The following NTN3 variants were observed in gnomAD, a reference collection of about 807,000 sequenced individuals.
The protein encoded by NTN3 is netrin-3.
In NTN3, 44 loss-of-function variants were observed where a neutral mutation model predicts 37.2. The observed-to-expected ratio is 1.18, with a 90% CI of 0.93 to 1.52. NTN3 has a LOEUF of 1.52. Ranked by LOEUF, NTN3 falls within the 40% of genes most tolerant of loss-of-function variation. NTN3 has a pLI of 0.00. For missense variants in NTN3, 882 were observed against 857.3 expected (o/e 1.03, Z -0.36); for synonymous variants, 385 against 376.0 (o/e 1.02, Z -0.28).
At position 2,472,253 on chromosome 16, in the gene NTN3, G is replaced by C; in HGVS notation, c.552G>C (p.Gln184His). 6.2e-7 allele frequency: 1 copy of C among 1,609,774 alleles called. No homozygotes were observed. Among genetic ancestry groups the C allele is most frequent in the South Asian group, 1.1e-5 (1 of 90,880 alleles). The change falls in exon 1 of 6, where the codon CAG becomes CAC. Residue 184 changes from glutamine to histidine, a missense_variant. Gln to His is a conservative substitution (Grantham distance 24). Coordinates refer to ENST00000293973, the MANE Select transcript of NTN3 (RefSeq NM_006181.3). ...TGTGCTTCCCCGCACCCCTGGCCCA[G>C]CCTGATGGCAGCGGCCTTCTGGCCT... ...EALCFPAPLA[Q>H]PDGSGLLAFS...
In NTN3 at chr16:2,473,768, C is replaced by T. The variant is rs2141846103; in HGVS notation, c.1406C>T (p.Ala469Val). 2 of 1,390,906 alleles carry T rather than the reference C, an allele frequency of 1.4e-6. No individual in the cohort carries two copies. The highest frequency in any genetic ancestry group is 5.9e-5 in the East Asian group (2 of 33,680). The allele number at this position is 1,390,906 out of a possible 1,614,324, so 86.2% of individuals were successfully genotyped here. The change falls in exon 6 of 6, where the codon GCG (alanine) becomes GTG (valine). Residue 469 changes from alanine to valine, a missense_variant. Physicochemically the swap from Ala to Val is moderately conservative, Grantham distance 64 (BLOSUM62 0). Coordinates refer to ENST00000293973, the MANE Select transcript of NTN3 (RefSeq NM_006181.3). ...FCKKDYAVQV[A>V]VGARGEARGA... ...GCTCTCCCCGCAGCGGTGCAGGTGG[C>T]GGTGGGTGCGCGCGGCGAGGCGCGC...
At position 2,473,869 on chromosome 16, in the gene NTN3, AGC is replaced by A; in HGVS notation, c.1512_1513del (p.Leu505ValfsTer?). On this transcript the variant is annotated frameshift_variant, in exon 6 of 6. Transcript: ENST00000293973. LOFTEE classifies it low-confidence loss of function (END_TRUNC). The part of the protein sequence containing the change: ...SGEERARRGS[S>X]ALWVPAGDAA... Reference sequence around the variant, plus strand: ...AGAGGAGCGCGCGCGGCGCGGGAGTAGCGCGCTGTGGGTGCCCGCCGGGGATG... The same window carrying A: ...AGAGGAGCGCGCGCGGCGCGGGAGTAGCGCTGTGGGTGCCCGCCGGGGATG... The A allele has an allele frequency of 7.8e-7, 1 of 1,275,326 alleles. No homozygotes were observed. The highest frequency in any genetic ancestry group is 9.9e-7 in the Non-Finnish European group (1 of 1,014,518). 79.0% of individuals were successfully genotyped at this position (1,275,326 alleles called of 1,614,324 possible).
rs1187841774 is a variant in NTN3 at position 2,472,611 on chromosome 16, G to T, written c.910G>T (p.Glu304Ter). 1.3e-6 allele frequency: 2 copies of T among 1,595,580 alleles called. No homozygotes were observed. The highest frequency in any genetic ancestry group is 1.7e-5 in the Admixed American group (1 of 59,076). The change falls in exon 1 of 6, where the codon GAA (glutamate) becomes TAA (stop). Residue 304 changes from glutamate (E) to a stop codon, truncating the protein, a stop_gained. Transcript: ENST00000293973. LOFTEE classifies it high-confidence loss of function. ...DRPWQRATARESHACLACSCN... is the reference protein window; with the variant it reads ...DRPWQRATAR Reference sequence around the variant, plus strand: ...GCCATGGCAGCGGGCCACTGCCCGGGAATCCCACGCCTGCCTCGGTGAGGC... The same window carrying T: ...GCCATGGCAGCGGGCCACTGCCCGGTAATCCCACGCCTGCCTCGGTGAGGC...
Position 2,473,427 on chromosome 16 carries a change from A to T in NTN3, c.1319-2A>T, listed in dbSNP as rs372516653. On this transcript the variant is annotated splice_acceptor_variant, in intron 4 of 5. Coordinates refer to ENST00000293973, the MANE Select transcript of NTN3 (RefSeq NM_006181.3). LOFTEE classifies it high-confidence loss of function. ...TGTGCCAGCCTCCCACCTTCTACCC[A>T]GACTGTGACTCGCACTGCAAACCTG... is the stretch of plus-strand genomic sequence containing the variant. 4 of 1,612,988 alleles carry T rather than the reference A, an allele frequency of 2.5e-6. No homozygotes were observed. The highest frequency in any genetic ancestry group is 3.4e-6 in the Non-Finnish European group (4 of 1,179,958).
At position 2,472,388 on chromosome 16, in the gene NTN3, G is replaced by C. The variant is rs562158413; in HGVS notation, c.687G>C (p.Thr229=). The part of the protein sequence containing the change: ...DVRVVLTRPS[T]AGDPRDMEAV... Reference sequence around the variant, plus strand: ...GTGTAGTGCTCACAAGGCCTAGCACGGCAGGTGACCCCAGGGACATGGAGG... The same window carrying C: ...GTGTAGTGCTCACAAGGCCTAGCACCGCAGGTGACCCCAGGGACATGGAGG... Residue 229 remains threonine, a synonymous_variant, in exon 1 of 6, where the codon ACG becomes ACC. Coordinates refer to ENST00000293973, the MANE Select transcript of NTN3 (RefSeq NM_006181.3). The C allele has an allele frequency of 6.2e-7, 1 of 1,612,760 alleles. No homozygotes were observed. The highest frequency in any genetic ancestry group is 1.1e-5 in the South Asian group (1 of 91,080).
At position 2,473,424 on chromosome 16, in the gene NTN3, C is replaced by T. The variant is rs1243007270; in HGVS notation, c.1319-5C>T. The T allele has an allele frequency of 1.2e-6, 2 of 1,612,928 alleles. No individual in the cohort carries two copies. The highest frequency in any genetic ancestry group is 1.7e-5 in the Admixed American group (1 of 60,004). On this transcript the variant is annotated splice_region_variant and splice_polypyrimidine_tract_variant and intron_variant, in intron 4 of 5. Transcript: ENST00000293973. ...GTCTGTGCCAGCCTCCCACCTTCTA[C>T]CCAGACTGTGACTCGCACTGCAAAC...
In NTN3 at chr16:2,473,131, G is replaced by A; in HGVS notation, c.1264G>A (p.Val422Ile). 1 of 1,595,370 alleles carries A rather than the reference G, an allele frequency of 6.3e-7. No individual in the cohort carries two copies. Among genetic ancestry groups the A allele is most frequent in the South Asian group, 1.1e-5 (1 of 88,966 alleles). Reference protein sequence around the residue: ...QQSRSPVAPCVKTPIPGPTED... With the variant: ...QQSRSPVAPCIKTPIPGPTED... ...AAGCCGCTCCCCAGTGGCGCCCTGT[G>A]TTAGTGAGTGACCCTGCCCCGCCTC... The change falls in exon 3 of 6, where the codon GTT (valine) becomes ATT (isoleucine). Residue 422 changes from valine (V) to isoleucine (I), a missense_variant. By Grantham distance (29) the Val-to-Ile change is conservative. Coordinates refer to ENST00000293973, the MANE Select transcript of NTN3 (RefSeq NM_006181.3).
Position 2,473,000 on chromosome 16 carries a change from C to G in NTN3, c.1133C>G (p.Pro378Arg), listed in dbSNP as rs375855313. The change falls in exon 3 of 6, where the codon CCG becomes CGG. Residue 378 changes from proline to arginine, a missense_variant. Pro to Arg is a moderately radical substitution (Grantham distance 103). Coordinates refer to ENST00000293973, the MANE Select transcript of NTN3 (RefSeq NM_006181.3). ...RRACRACDCHPVGAAGKTCNQ... is the reference protein window; with the variant it reads ...RRACRACDCHRVGAAGKTCNQ... ...CTGTCCTCAGCCTGCGACTGTCACC[C>G]GGTTGGTGCTGCTGGCAAGACCTGC... 3 of 1,604,006 alleles carry G rather than the reference C, an allele frequency of 1.9e-6. No individual in the cohort carries two copies. In the South Asian group the frequency reaches 3.3e-5, roughly 18 times the overall value.
At position 2,471,418 on chromosome 16, in the gene NTN3, A is replaced by T; in HGVS notation, c.-284A>T. On this transcript the variant is annotated 5_prime_UTR_variant, in exon 1 of 6. Transcript: ENST00000293973. Reference sequence around the variant, plus strand: ...TGCTCCGCCCGGCCCTCGGTGGGTGAGTGCGAGCGGCGGGTGGGGCCTCCG... The same window carrying T: ...TGCTCCGCCCGGCCCTCGGTGGGTGTGTGCGAGCGGCGGGTGGGGCCTCCG... 3.6e-6 allele frequency: 1 copy of T among 281,194 alleles called. No homozygotes were observed. Among genetic ancestry groups the T allele is most frequent in the East Asian group, 5.9e-5 (1 of 16,900 alleles). The allele number at this position is 281,194 out of a possible 1,614,324, so 17.4% of individuals were successfully genotyped here.
In NTN3 at chr16:2,472,308, C is replaced by T; in HGVS notation, c.607C>T (p.Leu203=). ...CATGCAGGACAGCAGCCCCCCAGGC[C>T]TGGACCTGGACAGCAGCCCAGTGCT... is the stretch of plus-strand genomic sequence containing the variant. ...FSMQDSSPPG[L]DLDSSPVLQD... Residue 203 remains leucine, a synonymous_variant, in exon 1 of 6, where the codon CTG becomes TTG. Coordinates refer to ENST00000293973, the MANE Select transcript of NTN3 (RefSeq NM_006181.3). 6.2e-7 allele frequency: 1 copy of T among 1,608,710 alleles called. No individual in the cohort carries two copies. Among genetic ancestry groups the T allele is most frequent in the Non-Finnish European group, 8.5e-7 (1 of 1,177,184 alleles).
chr16:2,472,447 T>A lies in NTN3; in HGVS notation c.746T>A (p.Leu249His), dbSNP rs1161312815. 6.3e-7 allele frequency: 1 copy of A among 1,596,646 alleles called. No individual in the cohort carries two copies. The highest frequency in any genetic ancestry group is 1.1e-5 in the South Asian group (1 of 91,060). Residue 249 changes from leucine (L) to histidine (H), a missense_variant, in exon 1 of 6, where the codon CTC (leucine) becomes CAC (histidine). Transcript: ENST00000293973. Reference sequence around the variant, plus strand: ...CCTTACTCCTACGCAGCCACCGACCTCCAGGTGGGCGGGCGCTGCAAGTGC... The same window carrying A: ...CCTTACTCCTACGCAGCCACCGACCACCAGGTGGGCGGGCGCTGCAAGTGC... ...VVPYSYAATDLQVGGRCKCNG... is the reference protein window; with the variant it reads ...VVPYSYAATDHQVGGRCKCNG...
In NTN3 at chr16:2,473,230, C is replaced by T. The variant is rs754167628; in HGVS notation, c.1268-38C>T. ...TCCCCGAGCCCTGCAGATCTCTCTG[C>T]CCCTCCATCGCAGGCCATTCTCCCT... On this transcript the variant is annotated intron_variant, in intron 3 of 5. Transcript: ENST00000293973. The T allele has an allele frequency of 1.1e-5, 17 of 1,608,564 alleles. No homozygotes were observed. The Admixed American group carries it at 2.5e-4, about 24-fold the overall frequency.
chr16:2,473,151 C>G lies in NTN3; in HGVS notation c.1267+17C>G. The G allele has an allele frequency of 6.3e-7, 1 of 1,593,214 alleles. No homozygotes were observed. Reference sequence around the variant, plus strand: ...CCTGTGTTAGTGAGTGACCCTGCCCCGCCTCAGCCACCAAGCCAAGGCCAC... The same window carrying G: ...CCTGTGTTAGTGAGTGACCCTGCCCGGCCTCAGCCACCAAGCCAAGGCCAC... On this transcript the variant is annotated intron_variant, in intron 3 of 5. Transcript: ENST00000293973.
At position 2,471,843 on chromosome 16, in the gene NTN3, GC is replaced by G. The variant is rs1176038492; in HGVS notation, c.145del (p.Leu49TrpfsTer57). 7.0e-7 allele frequency: 1 copy of G among 1,436,548 alleles called. No homozygotes were observed. The highest frequency in any genetic ancestry group is 9.1e-7 in the Non-Finnish European group (1 of 1,096,036). 89.0% of individuals were successfully genotyped at this position (1,436,548 alleles called of 1,614,324 possible). On this transcript the variant is annotated frameshift_variant, in exon 1 of 6. Coordinates refer to ENST00000293973, the MANE Select transcript of NTN3 (RefSeq NM_006181.3). LOFTEE classifies it high-confidence loss of function. ...CTGCGTGCCAGGACTGGTGAACGCC[GC>G]CCTGGGCCGCGAGGTGCTGGCTTCC... ...RGCVPGLVNA[A>X]LGREVLASST...
chr16:2,472,764 G>A lies in NTN3; in HGVS notation c.992G>A (p.Gly331Asp), dbSNP rs2141845223. The change falls in exon 2 of 6, where the codon GGC becomes GAC. Residue 331 changes from glycine to aspartate, a missense_variant. By Grantham distance (94) the Gly-to-Asp change is moderately conservative. Coordinates refer to ENST00000293973, the MANE Select transcript of NTN3 (RefSeq NM_006181.3). ...AACATGGAGCTGTACCGACTGTCCG[G>A]CCGCCGCAGCGGGGGTGTCTGTCTC... is the stretch of plus-strand genomic sequence containing the variant. ...RFNMELYRLSGRRSGGVCLNC... is the reference protein window; with the variant it reads ...RFNMELYRLSDRRSGGVCLNC... The A allele has an allele frequency of 1.9e-6, 3 of 1,608,272 alleles. No homozygotes were observed. The South Asian group carries it at 3.3e-5, about 18-fold the overall frequency.
rs776779192 is a variant in NTN3, at chr16:2,473,308, G to A, written c.1308G>A (p.Val436=). 1.4e-5 allele frequency: 22 copies of A among 1,612,878 alleles called. No individual in the cohort carries two copies. In the African/African-American group the frequency reaches 2.8e-4, roughly 21 times the overall value. ...IPGPTEDSSP[V]QPQDCDSHCK... Reference sequence around the variant, plus strand: ...GACCCACTGAGGACAGCAGCCCTGTGCAGCCCCAGGGTGAGTGGACACAGG... The same window carrying A: ...GACCCACTGAGGACAGCAGCCCTGTACAGCCCCAGGGTGAGTGGACACAGG... The change falls in exon 4 of 6, where the codon GTG becomes GTA. Residue 436 remains valine (V), a synonymous_variant. Coordinates refer to ENST00000293973, the MANE Select transcript of NTN3 (RefSeq NM_006181.3).
chr16:2,471,980 G>GCGCTCGGAGTCCCTGCCT lies in NTN3; in HGVS notation c.282_299dup (p.Ser95_Arg100dup). ...GGGGCACGGCCAGCCCTCTGTGCTGGCGCTCGGAGTCCCTGCCTCGGGCGC... is the reference window on the plus strand; with the variant it reads ...GGGGCACGGCCAGCCCTCTGTGCTGGCGCTCGGAGTCCCTGCCTCGCTCGGAGTCCCTGCCTCGGGCGC... On this transcript the variant is annotated inframe_insertion, in exon 1 of 6. Coordinates refer to ENST00000293973, the MANE Select transcript of NTN3 (RefSeq NM_006181.3). The GCGCTCGGAGTCCCTGCCT allele has an allele frequency of 6.3e-7, 1 of 1,598,204 alleles. No homozygotes were observed. Among genetic ancestry groups the GCGCTCGGAGTCCCTGCCT allele is most frequent in the Non-Finnish European group, 8.5e-7 (1 of 1,177,882 alleles).
At position 2,473,842 on chromosome 16, in the gene NTN3, G is replaced by T; in HGVS notation, c.1480G>T (p.Gly494Ter). The change falls in exon 6 of 6, where the codon GGA becomes TGA. Residue 494 changes from glycine to a stop codon, truncating the protein, a stop_gained. Coordinates refer to ENST00000293973, the MANE Select transcript of NTN3 (RefSeq NM_006181.3). LOFTEE classifies it low-confidence loss of function (END_TRUNC). ...GGCGGTGCTCGCCGTGTTCCGGAGC[G>T]GAGAGGAGCGCGCGCGGCGCGGGAG... ...PVAVLAVFRS[G>*]EERARRGSSA... is the part of the protein sequence containing the mutation. The T allele has an allele frequency of 7.5e-7, 1 of 1,335,082 alleles. No homozygotes were observed. The allele number at this position is 1,335,082 out of a possible 1,614,324, so 82.7% of individuals were successfully genotyped here.
In NTN3 at chr16:2,473,860, C is replaced by A. The variant is rs1311064462; in HGVS notation, c.1498C>A (p.Arg500Ser). ...CCGGAGCGGAGAGGAGCGCGCGCGG[C>A]GCGGGAGTAGCGCGCTGTGGGTGCC... ...VFRSGEERAR[R>S]GSSALWVPAG... is the part of the protein sequence containing the mutation. Residue 500 changes from arginine to serine, a missense_variant, in exon 6 of 6, where the codon CGC (arginine) becomes AGC (serine). Coordinates refer to ENST00000293973, the MANE Select transcript of NTN3 (RefSeq NM_006181.3). 5 of 1,305,644 alleles carry A rather than the reference C, an allele frequency of 3.8e-6. No homozygotes were observed. Among genetic ancestry groups the A allele is most frequent in the Non-Finnish European group, 4.8e-6 (5 of 1,032,664 alleles). 80.9% of individuals were successfully genotyped at this position (1,305,644 alleles called of 1,614,324 possible). A position where few individuals can be genotyped will look rare whatever the true frequency, so the allele number is the denominator to read the frequency against.
Sources: gnomAD v4.1 joint callset for allele counts on GRCh38, gnomAD v4.1.1 for gene constraint, MANE v1.5 for transcripts, NCBI Gene and HGNC (gene_info 2026-07-23, HGNC 2026-07-21) for gene names.